The following CHCHD6 variants were observed in gnomAD, a reference collection of about 807,000 sequenced individuals.
CHCHD6 encodes coiled-coil-helix-coiled-coil-helix domain containing 6.
Under a neutral mutation model 32.3 loss-of-function variants are expected in CHCHD6, and 28 were observed. The ratio of observed to expected loss-of-function variants is 0.87; its 90% CI spans 0.64 to 1.19. CHCHD6 has a LOEUF of 1.19. Ranked by LOEUF, CHCHD6 falls within the 50% of genes most tolerant of loss-of-function variation. The pLI is 0.00. For synonymous variants in CHCHD6, 122 were observed against 117.5 expected, an observed-to-expected ratio of 1.04 and a Z score of -0.25; for missense variants, 333 against 307.0, an observed-to-expected ratio of 1.08 and a Z score of -0.63.
intron 6 of CHCHD6, among the ~76,000 whole-genome samples, chr3:126,937,391 A>G (rs1303022782): frequency 6.6e-6 from 1 of 151,998 alleles, no homozygotes; most frequent in African/African-American, 2.4e-5. Context: ...AGAGATGGGG[A>G]GTGAGCGTTG....
intron 6 of CHCHD6, among the ~76,000 whole-genome samples, chr3:126,941,016 G>C (rs2078551664): frequency 1.3e-5 from 2 of 152,102 alleles, no homozygotes; most frequent in South Asian, 4.1e-4. Context: ...AGTTGATGTG[G>C]AGATGGGAAC....
At chr3:126,866,193 A>G (rs1942285688) in intron 5 of CHCHD6, among the ~76,000 whole-genome samples, 1 of 152,102 alleles carries the variant, frequency 6.6e-6, no homozygotes, top group Admixed American at 6.5e-5. Flanking sequence ...AATTAATATA[A>G]TATTGCTAAC....
chr3:126,759,142 C>G (rs1937073106), intron 4 of CHCHD6, among the ~76,000 whole-genome samples: 1 of 152,182 alleles, frequency 6.6e-6, no homozygotes, highest in South Asian at 2.1e-4. Flanking sequence ...TTGTGGTGTT[C>G]TTGTAATCCA....
chr3:126,843,267 G>A (rs1941173496), intron 4 of CHCHD6, among the ~76,000 whole-genome samples: 1 of 151,924 alleles, frequency 6.6e-6, no homozygotes, highest in Non-Finnish European at 1.5e-5. Context: ...GTTGGTTATG[G>A]GTATTATCTT....
intron 6 of CHCHD6, among the ~76,000 whole-genome samples, chr3:126,917,416 G>A (rs957056108): frequency 2.6e-5 from 4 of 152,164 alleles, no homozygotes; most frequent in African/African-American, 7.2e-5. Flanking sequence ...ATGGCAGCAG[G>A]GTGGAGCTCT....
At chr3:126,758,808 C>G (rs529847953) in intron 4 of CHCHD6, among the ~76,000 whole-genome samples, 2 of 152,332 alleles carry the variant, frequency 1.3e-5, no homozygotes, top group South Asian at 2.1e-4. Flanking sequence ...CCTCCTCTCT[C>G]ATTACCTCCA....
intron 4 of CHCHD6, among the ~76,000 whole-genome samples, chr3:126,776,470 C>CTGT (rs1937652675): frequency 6.6e-6 from 1 of 152,190 alleles, no homozygotes; most frequent in Non-Finnish European, 1.5e-5. Context: ...AGATCACCAC[C>CTGT]TGTGACCAGT....
chr3:126,754,756 A>C (rs1472697158), intron 4 of CHCHD6, among the ~76,000 whole-genome samples: 1 of 152,152 alleles, frequency 6.6e-6, no homozygotes, highest in Non-Finnish European at 1.5e-5. Context: ...TTTTGTTTTT[A>C]GTCCCCATCG....
intron 4 of CHCHD6, among the ~76,000 whole-genome samples, chr3:126,751,912 C>T (rs1936740534): frequency 6.6e-6 from 1 of 152,210 alleles, no homozygotes; most frequent in African/African-American, 2.4e-5. Flanking sequence ...CTGAGGTTTA[C>T]CAGTTATGCC....
At chr3:126,904,897 G>T (rs1012552436) in intron 5 of CHCHD6, among the ~76,000 whole-genome samples, 1 of 152,194 alleles carries the variant, frequency 6.6e-6, no homozygotes, top group East Asian at 1.9e-4. Context: ...CTAGAATGAG[G>T]TGTCTAGAAG....
rs1335546020 is a variant in CHCHD6 at position 126,935,023 on chromosome 3, C to G, written c.566+20273C>G. 16 of 507,456 alleles carry G rather than the reference C, an allele frequency of 3.2e-5. No homozygotes were observed. In the South Asian group the frequency reaches 9.4e-4, roughly 30 times the overall value. The allele number at this position is 507,456 out of a possible 1,614,324, so 31.4% of individuals were successfully genotyped here. ...AGAAGACAGTTTTTATGAAACAGTT[C>G]CATTTTAAAGACACGTCTAATCAGA... On this transcript the variant is annotated intron_variant, in intron 6 of 7. Coordinates refer to ENST00000290913, the MANE Select transcript of CHCHD6 (RefSeq NM_032343.3).
intron 5 of CHCHD6, among the ~76,000 whole-genome samples, chr3:126,879,982 G>A (rs2077587851): frequency 6.6e-6 from 1 of 152,164 alleles, no homozygotes; most frequent in Admixed American, 6.5e-5. Context: ...CAAGTGTTGG[G>A]TAAACCTACA....
chr3:126,914,231 A>G (rs13093291), intron 5 of CHCHD6, among the ~76,000 whole-genome samples: 101,531 of 152,088 alleles, frequency 0.67, 36,219 homozygotes, highest in Non-Finnish European at 0.81. Flanking sequence ...TAGGGGTTGG[A>G]CCAGATCAAG....
At chr3:126,868,337 A>G (rs537398130) in intron 5 of CHCHD6, among the ~76,000 whole-genome samples, 33 of 152,304 alleles carry the variant, frequency 2.2e-4, no homozygotes, top group South Asian at 1.7e-3. Context: ...CTTGGTGCCA[A>G]CAGGGGAGCC....
intron 5 of CHCHD6, chr3:126,865,444 C>A (rs1181340485): frequency 4.9e-6 from 2 of 412,128 alleles, no homozygotes; most frequent in African/African-American, 4.4e-5. Flanking sequence ...CCCTCCACCA[C>A]CAGCTTCATT....
intron 4 of CHCHD6, among the ~76,000 whole-genome samples, chr3:126,808,431 G>A (rs1158865528): frequency 1.3e-5 from 2 of 152,092 alleles, no homozygotes; most frequent in African/African-American, 2.4e-5. Flanking sequence ...TTAGAGGGCT[G>A]TGTTACTCAA....
At chr3:126,871,134 C>T (rs563079063) in intron 5 of CHCHD6, among the ~76,000 whole-genome samples, 1 of 152,316 alleles carries the variant, frequency 6.6e-6, no homozygotes, top group Admixed American at 6.5e-5. Flanking sequence ...CCTTTTCAGT[C>T]TGAAGATTGT....
At chr3:126,800,540 T>A (rs1189874298) in intron 4 of CHCHD6, among the ~76,000 whole-genome samples, 2 of 152,058 alleles carry the variant, frequency 1.3e-5, no homozygotes, top group Non-Finnish European at 2.9e-5. Flanking sequence ...AAAGATGAGG[T>A]TGAAGTCTGT....
At chr3:126,841,924 A>C (rs1176983705) in intron 4 of CHCHD6, among the ~76,000 whole-genome samples, 1 of 151,790 alleles carries the variant, frequency 6.6e-6, no homozygotes, top group East Asian at 1.9e-4. Flanking sequence ...AAAACAAAAC[A>C]AAACAAAACC....
Sources: allele counts gnomAD v4.1 joint callset (sites outside exome capture counted in the v4.1 genomes callset), GRCh38; gene constraint gnomAD v4.1.1; transcripts MANE v1.5; gene names NCBI Gene and HGNC (gene_info 2026-07-23, HGNC 2026-07-21).